Variants in MRAS observed in about 807,000 individuals in gnomAD.
The protein encoded by MRAS is ras-related protein M-Ras.
In MRAS, 4 loss-of-function variants were observed where a neutral mutation model predicts 20.9. That is an observed-to-expected ratio of 0.19 (90% CI 0.09 to 0.44). The LOEUF (loss-of-function observed/expected upper bound fraction) is 0.44, where lower values mean the gene tolerates loss of function less well. Ranked by LOEUF, MRAS falls within the 20% of genes least tolerant of loss-of-function variation. The probability of loss-of-function intolerance (pLI) is 0.99; values close to 1 mark genes in which losing one functional copy is unlikely to be tolerated. For missense variants in MRAS, 154 were observed against 277.5 expected (o/e 0.56, Z 3.16); for synonymous variants, 98 against 102.9 (o/e 0.95, Z 0.29).
chr3:138,354,863 C>T (rs546890133), intron 1 of MRAS, among the ~76,000 whole-genome samples: 286 of 152,238 alleles, frequency 1.9e-3, no homozygotes, highest in African/African-American at 6.6e-3. Flanking sequence ...TTATCACAGC[C>T]TCGAACTCCT....
Position 138,382,888 on chromosome 3 carries a change from C to G in MRAS, c.193+9812C>G, listed in dbSNP as rs139739692. On this transcript the variant is annotated intron_variant, in intron 2 of 5. Transcript: ENST00000423968. ...ATGTGACCAGTTTGGGCCAAGCACA[C>G]CAGCCTGACCAATAGATCTGAGACC... 7.8e-4 allele frequency among the ~76,000 whole-genome samples: 119 copies of G among 152,326 alleles called. 1 individual carries two copies. The highest frequency in any genetic ancestry group is 1.4e-3 in the Non-Finnish European group (94 of 68,038).
At position 138,402,315 on chromosome 3, in the gene MRAS, C is replaced by T. The variant is rs375439719; in HGVS notation, c.*46C>T. On this transcript the variant is annotated 3_prime_UTR_variant, in exon 6 of 6. Transcript: ENST00000423968. ...CAGTGACGGTGGCCTGGCCAGCCCTCGGGACCCCTCCCCACCTAACTGCAC... is the reference window on the plus strand; with the variant it reads ...CAGTGACGGTGGCCTGGCCAGCCCTTGGGACCCCTCCCCACCTAACTGCAC... 3.5e-5 allele frequency: 53 copies of T among 1,519,304 alleles called. No individual in the cohort carries two copies. Among genetic ancestry groups the T allele is most frequent in the Admixed American group, 2.2e-4 (13 of 58,696 alleles). 94.1% of individuals were successfully genotyped at this position (1,519,304 alleles called of 1,614,324 possible).
At chr3:138,368,082 T>C (rs369589534) in intron 1 of MRAS, among the ~76,000 whole-genome samples, 41 of 152,334 alleles carry the variant, frequency 2.7e-4, no homozygotes, top group African/African-American at 9.9e-4. Context: ...CACGGCCAAG[T>C]GGCTGCTGTT....
At chr3:138,377,714 C>T (rs1478499988) in intron 2 of MRAS, among the ~76,000 whole-genome samples, 1 of 152,196 alleles carries the variant, frequency 6.6e-6, no homozygotes, top group Non-Finnish European at 1.5e-5. Context: ...GCCCTGTACC[C>T]CACTGAACTC....
At chr3:138,359,432 T>C (rs1156448094) in intron 1 of MRAS, among the ~76,000 whole-genome samples, 2 of 152,212 alleles carry the variant, frequency 1.3e-5, no homozygotes, top group Non-Finnish European at 2.9e-5. Flanking sequence ...CTCTGCAGTC[T>C]GGTTACTCTT....
rs1472732194 is a variant in MRAS at position 138,402,173 on chromosome 3, A to G, written c.531A>G (p.Gln177=). 2.5e-6 allele frequency: 4 copies of G among 1,614,024 alleles called. No individual in the cohort carries two copies. The highest frequency in any genetic ancestry group is 2.2e-5 in the East Asian group (1 of 44,892). ...AFHDLVRVIR[Q]QIPEKSQKKK... is the part of the protein sequence containing the mutation. ...CTGTCCTTCATTGTTTCAAAAGGCA[A>G]CAGATTCCGGAAAAAAGCCAGAAGA... Residue 177 remains glutamine, a synonymous_variant, in exon 6 of 6, where the codon CAA becomes CAG. Transcript: ENST00000423968.
chr3:138,350,578 A>G (rs991697848), intron 1 of MRAS, among the ~76,000 whole-genome samples: 19 of 152,200 alleles, frequency 1.2e-4, no homozygotes, highest in African/African-American at 4.6e-4. Flanking sequence ...TTGGTGAAGC[A>G]AGCGATTGTC....
chr3:138,373,089 T>G lies in MRAS; in HGVS notation c.193+13T>G, dbSNP rs764043990. 1 of 1,445,738 alleles carries G rather than the reference T, an allele frequency of 6.9e-7. No individual in the cohort carries two copies. Among genetic ancestry groups the G allele is most frequent in the Admixed American group, 2.8e-5 (1 of 35,870 alleles). 89.6% of individuals were successfully genotyped at this position (1,445,738 alleles called of 1,614,324 possible). ...GCCATCTTGGACGGTGAGACCTGGG[T>G]GGCAGCCCTGCATTGGGTGGGATAG... On this transcript the variant is annotated intron_variant, in intron 2 of 5. Transcript: ENST00000423968.
intron 2 of MRAS, among the ~76,000 whole-genome samples, chr3:138,395,574 A>G (rs1223038645): frequency 2.0e-5 from 3 of 152,042 alleles, no homozygotes; most frequent in Non-Finnish European, 4.4e-5. Context: ...CCGGCCCCTC[A>G]TTTAGTCACT....
At chr3:138,379,688 A>G (rs1324966035) in intron 2 of MRAS, among the ~76,000 whole-genome samples, 1 of 152,150 alleles carries the variant, frequency 6.6e-6, no homozygotes, top group African/African-American at 2.4e-5. Flanking sequence ...ATAATATTCT[A>G]TTGTGTATAT....
intron 2 of MRAS, among the ~76,000 whole-genome samples, chr3:138,384,098 A>G (rs574382203): frequency 9.2e-5 from 14 of 151,892 alleles, no homozygotes; most frequent in South Asian, 2.2e-4. Flanking sequence ...AACAAGTGAG[A>G]GCACAGCTAG....
At chr3:138,375,055 A>T (rs949051043) in intron 2 of MRAS, among the ~76,000 whole-genome samples, 3 of 151,846 alleles carry the variant, frequency 2.0e-5, no homozygotes, top group African/African-American at 7.3e-5. Context: ...CTAATATTTT[A>T]TTTTTTTGTG....
intron 2 of MRAS, among the ~76,000 whole-genome samples, chr3:138,373,500 A>G (rs962237701): frequency 2.0e-5 from 3 of 152,310 alleles, no homozygotes; most frequent in Admixed American, 1.3e-4. Flanking sequence ...CTGAGTGTGA[A>G]TTAGTCTGGA....
intron 2 of MRAS, among the ~76,000 whole-genome samples, chr3:138,385,991 T>C (rs1422198285): frequency 3.9e-5 from 6 of 152,116 alleles, no homozygotes. Flanking sequence ...CAGAGCTGGG[T>C]CATCCACCCT....
chr3:138,358,752 G>A (rs2054386806), intron 1 of MRAS, among the ~76,000 whole-genome samples: 1 of 152,254 alleles, frequency 6.6e-6, no homozygotes, highest in African/African-American at 2.4e-5. Flanking sequence ...CCAGCATACA[G>A]GATGCTGTCA....
At chr3:138,395,510 T>C (rs927718511) in intron 2 of MRAS, among the ~76,000 whole-genome samples, 1 of 152,038 alleles carries the variant, frequency 6.6e-6, no homozygotes, top group Non-Finnish European at 1.5e-5. Context: ...AGCCTTCGAA[T>C]TTGTTGTGTT....
intron 1 of MRAS, among the ~76,000 whole-genome samples, chr3:138,367,349 G>T (rs1056639565): frequency 2.0e-5 from 3 of 152,166 alleles, no homozygotes; most frequent in East Asian, 3.8e-4. Context: ...CTTGCCCCAG[G>T]TCACACAGGG....
intron 1 of MRAS, among the ~76,000 whole-genome samples, chr3:138,366,426 T>C (rs1448822581): frequency 6.6e-6 from 1 of 152,186 alleles, no homozygotes. Context: ...ATTCAATTGG[T>C]GGGGTTAAGG....
intron 2 of MRAS, among the ~76,000 whole-genome samples, chr3:138,397,058 A>G (rs1401737376): frequency 2.0e-5 from 3 of 152,174 alleles, no homozygotes; most frequent in South Asian, 2.1e-4. Context: ...ATTTAGGCCT[A>G]GTAAGCACAT....
Sources: gnomAD v4.1 joint callset for allele counts (sites outside exome capture counted in the v4.1 genomes callset) on GRCh38, gnomAD v4.1.1 for gene constraint, MANE v1.5 for transcripts, NCBI Gene and HGNC (gene_info 2026-07-23, HGNC 2026-07-21) for gene names.